Variants in SGMS1 observed in about 807,000 individuals in gnomAD.
SGMS1 encodes phosphatidylcholine:ceramide cholinephosphotransferase 1.
Under a neutral mutation model 46.2 loss-of-function variants are expected in SGMS1, and 13 were observed. That is an observed-to-expected ratio of 0.28 (90% confidence interval 0.18 to 0.45). The LOEUF is 0.45. Ranked by LOEUF, SGMS1 falls within the 20% of genes least tolerant of loss-of-function variation. The pLI is 1.00. For missense variants in SGMS1, 324 were observed against 519.9 expected (o/e 0.62, Z 3.66); for synonymous variants, 203 against 187.8 (o/e 1.08, Z -0.66).
chr10:50,614,462 C>T (rs991042688), intron 1 of SGMS1, among the ~76,000 whole-genome samples: 6 of 152,224 alleles, frequency 3.9e-5, no homozygotes, highest in African/African-American at 1.2e-4. Context: ...GCTGGCTCCT[C>T]GCTGACATGG....
intron 7 of SGMS1, chr10:50,334,667 G>A (rs958984256): frequency 6.6e-6 from 1 of 152,174 alleles, no homozygotes; most frequent in Non-Finnish European, 1.5e-5. Context: ...AAATTTTAGT[G>A]TCTATTAAAA....
At chr10:50,598,027 A>C (rs1240454617) in intron 1 of SGMS1, among the ~76,000 whole-genome samples, 1 of 151,252 alleles carries the variant, frequency 6.6e-6, no homozygotes, top group Non-Finnish European at 1.5e-5. Flanking sequence ...AAAAAAAAAA[A>C]GAAAAAAAAA....
Position 50,386,763 on chromosome 10 carries a change from C to T in SGMS1, c.-231-42418G>A, listed in dbSNP as rs557371322. Among the ~76,000 whole-genome samples the T allele has an allele frequency of 3.9e-5, 6 of 152,254 alleles. No homozygotes were observed. The East Asian group carries it at 1.2e-3, about 29-fold the overall frequency. ...AAGTTCTCTTCTCAGCACACCCCTG[C>T]CCCACCTGTGAGATGGAGGGGAGGA... is the stretch of plus-strand genomic sequence containing the variant. On this transcript the variant is annotated intron_variant, in intron 6 of 10. Coordinates refer to ENST00000361781, the MANE Select transcript of SGMS1 (RefSeq NM_147156.4).
intron 6 of SGMS1, among the ~76,000 whole-genome samples, chr10:50,395,936 T>A (rs1848842935): frequency 6.6e-6 from 1 of 152,166 alleles, no homozygotes; most frequent in Non-Finnish European, 1.5e-5. Context: ...AACATTTCTG[T>A]TTCTAAAGTT....
chr10:50,620,419 C>T (rs1304057193), intron 1 of SGMS1, among the ~76,000 whole-genome samples: 1 of 152,212 alleles, frequency 6.6e-6, no homozygotes, highest in Non-Finnish European at 1.5e-5. Flanking sequence ...CCAAAAAAGG[C>T]ATAGCCATCT....
At chr10:50,495,187 G>C (rs561896518) in intron 3 of SGMS1, among the ~76,000 whole-genome samples, 13 of 142,952 alleles carry the variant, frequency 9.1e-5, no homozygotes, top group Non-Finnish European at 1.8e-4. Context: ...GCAGTGAGCT[G>C]AGATCGCACC....
intron 4 of SGMS1, among the ~76,000 whole-genome samples, chr10:50,466,542 G>A (rs907559188): frequency 1.3e-5 from 2 of 152,106 alleles, no homozygotes; most frequent in South Asian, 4.1e-4. Flanking sequence ...CACCTAAAAT[G>A]ATAACAGGCT....
At chr10:50,376,388 G>C (rs1848521528) in intron 6 of SGMS1, among the ~76,000 whole-genome samples, 1 of 152,172 alleles carries the variant, frequency 6.6e-6, no homozygotes, top group African/African-American at 2.4e-5. Context: ...GAGTTAGATA[G>C]GGCAACTGAT....
intron 1 of SGMS1, among the ~76,000 whole-genome samples, chr10:50,614,115 T>C (rs938268743): frequency 2.6e-5 from 4 of 151,946 alleles, no homozygotes; most frequent in African/African-American, 4.8e-5. Flanking sequence ...GTCTTTCTTT[T>C]TTTTTTTTTG....
intron 2 of SGMS1, among the ~76,000 whole-genome samples, chr10:50,525,090 A>G (rs556531540): frequency 1.8e-4 from 28 of 152,354 alleles, no homozygotes; most frequent in African/African-American, 5.8e-4. Flanking sequence ...GGATTAGAGA[A>G]AAAGCATTAA....
intron 6 of SGMS1, among the ~76,000 whole-genome samples, chr10:50,370,649 G>A (rs1589411002): frequency 1.3e-5 from 2 of 151,364 alleles, no homozygotes; most frequent in African/African-American, 2.4e-5. Flanking sequence ...TCTGAGGCAG[G>A]AGAATCACTT....
At chr10:50,585,760 C>T (rs1418718830) in intron 2 of SGMS1, among the ~76,000 whole-genome samples, 1 of 152,218 alleles carries the variant, frequency 6.6e-6, no homozygotes, top group Non-Finnish European at 1.5e-5. Context: ...AGAGGAGCTT[C>T]TTTTAAACTC....
upstream of SGMS1, chr10:50,624,738 A>C: frequency 1.0e-6 from 1 of 985,430 alleles, no homozygotes; most frequent in Non-Finnish European, 1.2e-6. Context: ...TCCCCGAGCG[A>C]AGCCCCAGCG....
intron 5 of SGMS1, chr10:50,460,055 T>G (rs965607463): frequency 6.6e-6 from 1 of 152,016 alleles, no homozygotes; most frequent in Non-Finnish European, 1.5e-5. Context: ...AGAGAGCCAG[T>G]GCATCCAAAG....
chr10:50,454,050 C>CAAAAAAAAAAAAAAA (rs71846628), intron 5 of SGMS1, among the ~76,000 whole-genome samples: 73 of 97,944 alleles, frequency 7.5e-4, no homozygotes, highest in Middle Eastern at 7.8e-3. Context: ...TTTACATAGG[C>CAAAAAAAAAAAAAAA]AAAAAAAAAA....
chr10:50,401,292 T>C (rs1220571145), intron 6 of SGMS1, among the ~76,000 whole-genome samples: 3 of 152,212 alleles, frequency 2.0e-5, no homozygotes, highest in Non-Finnish European at 2.9e-5. Context: ...TGAACAATAC[T>C]AGAAACTCTT....
At chr10:50,427,331 G>A (rs997307228) in intron 6 of SGMS1, among the ~76,000 whole-genome samples, 4 of 152,210 alleles carry the variant, frequency 2.6e-5, no homozygotes, top group African/African-American at 9.6e-5. Context: ...CCCGGTAGGT[G>A]GAGCTTGCAG....
intron 3 of SGMS1, among the ~76,000 whole-genome samples, chr10:50,496,771 A>G (rs1490361811): frequency 6.6e-6 from 1 of 152,162 alleles, no homozygotes; most frequent in African/African-American, 2.4e-5. Flanking sequence ...GAGCTGTGTG[A>G]TCTTAGGCAA....
chr10:50,316,373 C>T (rs1056701958), intron 8 of SGMS1, among the ~76,000 whole-genome samples: 1 of 152,200 alleles, frequency 6.6e-6, no homozygotes. Context: ...AAGGCAGACC[C>T]TATCTGCTGT....
Sources: allele counts gnomAD v4.1 joint callset (sites outside exome capture counted in the v4.1 genomes callset), GRCh38; gene constraint gnomAD v4.1.1; transcripts MANE v1.5; gene names NCBI Gene and HGNC (gene_info 2026-07-23, HGNC 2026-07-21).